Variants in CNTNAP2 observed in about 807,000 individuals in gnomAD.
The protein encoded by CNTNAP2 is contactin associated protein 2, also known as contactin-associated protein-like 2.
In CNTNAP2, 98 loss-of-function variants were observed where a neutral mutation model predicts 155.2. That is an observed-to-expected ratio of 0.63 (90% CI 0.54 to 0.75). The LOEUF (loss-of-function observed/expected upper bound fraction) is 0.75. Ranked by LOEUF, CNTNAP2 falls within the 30% of genes least tolerant of loss-of-function variation. The probability of loss-of-function intolerance (pLI) is 0.00; values close to 1 mark genes in which losing one functional copy is unlikely to be tolerated. For missense variants in CNTNAP2, 1,727 were observed against 1,688.1 expected (o/e 1.02, Z -0.40); for synonymous variants, 651 against 631.2 (o/e 1.03, Z -0.47).
At chr7:147,500,656 C>A (rs531698525) in intron 11 of CNTNAP2, among the ~76,000 whole-genome samples, 1 of 152,228 alleles carries the variant, frequency 6.6e-6, no homozygotes, top group East Asian at 1.9e-4. Context: ...TATACACATA[C>A]CTCTCAAATG....
chr7:146,262,108 A>G (rs961013263), intron 1 of CNTNAP2, among the ~76,000 whole-genome samples: 1 of 152,148 alleles, frequency 6.6e-6, no homozygotes, highest in Non-Finnish European at 1.5e-5. Context: ...CCACTCAGCC[A>G]TTTCATTTCA....
chr7:147,721,231 GT>G (rs879288506), intron 13 of CNTNAP2, among the ~76,000 whole-genome samples: 7 of 151,924 alleles, frequency 4.6e-5, no homozygotes, highest in Non-Finnish European at 7.4e-5. Context: ...TTGGGCTTGG[GT>G]TTTGGGTTTT....
At chr7:146,129,110 A>C (rs1428912008) in intron 1 of CNTNAP2, among the ~76,000 whole-genome samples, 10 of 152,190 alleles carry the variant, frequency 6.6e-5, no homozygotes, top group Non-Finnish European at 2.9e-5. Context: ...TAGTCTTCAT[A>C]TTGTGATAAA....
chr7:147,604,312 A>G (rs903559996), intron 12 of CNTNAP2, among the ~76,000 whole-genome samples: 8 of 152,142 alleles, frequency 5.3e-5, no homozygotes, highest in African/African-American at 1.7e-4. Flanking sequence ...GAAAATTTTC[A>G]CAACCTACTC....
chr7:147,266,436 A>G (rs1271832804), intron 8 of CNTNAP2, among the ~76,000 whole-genome samples: 1 of 152,224 alleles, frequency 6.6e-6, no homozygotes, highest in Non-Finnish European at 1.5e-5. Flanking sequence ...TATCAGCCTC[A>G]GGGATCTTGG....
chr7:147,955,232 T>C (rs1801000087), intron 14 of CNTNAP2, among the ~76,000 whole-genome samples: 1 of 152,252 alleles, frequency 6.6e-6, no homozygotes, highest in Admixed American at 6.5e-5. Flanking sequence ...AAAAAGCTTT[T>C]ATTTTTATGA....
chr7:147,825,893 A>G (rs1434428117), intron 13 of CNTNAP2, among the ~76,000 whole-genome samples: 2 of 152,146 alleles, frequency 1.3e-5, no homozygotes, highest in Non-Finnish European at 2.9e-5. Context: ...AGAAGGTGGG[A>G]TGTAAAATAT....
At chr7:146,738,505 T>G (rs1268022555) in intron 1 of CNTNAP2, among the ~76,000 whole-genome samples, 3 of 152,062 alleles carry the variant, frequency 2.0e-5, no homozygotes, top group African/African-American at 7.2e-5. Context: ...CTGCAGAAGC[T>G]TTTATGTTTC....
At chr7:147,702,534 TG>T (rs954823813) in intron 13 of CNTNAP2, among the ~76,000 whole-genome samples, 3 of 152,056 alleles carry the variant, frequency 2.0e-5, no homozygotes, top group African/African-American at 7.2e-5. Context: ...TTCTTCTCGG[TG>T]GGAAAATTGT....
intron 4 of CNTNAP2, among the ~76,000 whole-genome samples, chr7:147,078,336 C>T (rs982507886): frequency 6.6e-6 from 1 of 152,150 alleles, no homozygotes; most frequent in African/African-American, 2.4e-5. Context: ...AAATTCAATA[C>T]TTTTTTTGTT....
At chr7:147,124,211 A>T (rs1801186153) in intron 6 of CNTNAP2, among the ~76,000 whole-genome samples, 1 of 152,204 alleles carries the variant, frequency 6.6e-6, no homozygotes, top group Non-Finnish European at 1.5e-5. Flanking sequence ...TACAACATTC[A>T]TTCCTGAACT....
chr7:147,812,167 T>C (rs1584968577), intron 13 of CNTNAP2, among the ~76,000 whole-genome samples: 1 of 152,016 alleles, frequency 6.6e-6, no homozygotes, highest in Admixed American at 6.6e-5. Context: ...AACATTCAGA[T>C]AGGGAGAGCG....
At position 147,294,457 on chromosome 7, in the gene CNTNAP2, T is replaced by C. The variant is rs141280125; in HGVS notation, c.1349-5684T>C. On this transcript the variant is annotated intron_variant, in intron 8 of 23. Coordinates refer to ENST00000361727, the MANE Select transcript of CNTNAP2 (RefSeq NM_014141.6). ...TGTCTTAGTTGTTTAAGATATAGGA[T>C]AAGTTTCCCATATCACTGTATATGT... is the stretch of plus-strand genomic sequence containing the variant. 1.4e-3 allele frequency among the ~76,000 whole-genome samples: 215 copies of C among 152,290 alleles called. 5 individuals are homozygous for C. The East Asian group carries it at 0.02, about 14-fold the overall frequency.
At chr7:146,997,481 G>A (rs895398954) in intron 3 of CNTNAP2, among the ~76,000 whole-genome samples, 3 of 152,018 alleles carry the variant, frequency 2.0e-5, no homozygotes, top group Non-Finnish European at 4.4e-5. Flanking sequence ...CTAGTATTTT[G>A]TTAAGGATTT....
chr7:147,429,971 T>C (rs572201397), intron 10 of CNTNAP2, among the ~76,000 whole-genome samples: 39 of 152,186 alleles, frequency 2.6e-4, no homozygotes, highest in Non-Finnish European at 4.7e-4. Context: ...AGCCTTGTAG[T>C]ATAGTTTGAA....
intron 3 of CNTNAP2, among the ~76,000 whole-genome samples, chr7:146,977,828 A>C (rs1271756881): frequency 1.3e-5 from 2 of 152,338 alleles, no homozygotes; most frequent in Admixed American, 6.5e-5. Context: ...CAAAAGCTCA[A>C]ATGAGTAATC....
intron 4 of CNTNAP2, among the ~76,000 whole-genome samples, chr7:147,105,677 A>G (rs1167069240): frequency 6.6e-6 from 1 of 152,106 alleles, no homozygotes; most frequent in African/African-American, 2.4e-5. Context: ...CTCTGAGCTT[A>G]CATCCACAAG....
chr7:147,083,238 C>T (rs1464075073), intron 4 of CNTNAP2: 1 of 151,974 alleles, frequency 6.6e-6, no homozygotes, highest in Non-Finnish European at 1.5e-5. Context: ...TCAACAGTAA[C>T]ACCACCAAAA....
At chr7:147,362,164 G>T (rs557795661) in intron 9 of CNTNAP2, among the ~76,000 whole-genome samples, 1 of 152,090 alleles carries the variant, frequency 6.6e-6, no homozygotes, top group Non-Finnish European at 1.5e-5. Flanking sequence ...ACTAGGTCTC[G>T]CTCTGTCACC....
Sources: gnomAD v4.1 joint callset for allele counts (sites outside exome capture counted in the v4.1 genomes callset) on GRCh38, gnomAD v4.1.1 for gene constraint, MANE v1.5 for transcripts, NCBI Gene and HGNC (gene_info 2026-07-23, HGNC 2026-07-21) for gene names.